The following LRFN5 variants were observed in gnomAD, a reference collection of about 807,000 sequenced individuals.
LRFN5 encodes the protein leucine rich repeat and fibronectin type III domain containing 5.
Under a neutral mutation model 45.6 loss-of-function variants are expected in LRFN5, and 24 were observed. That is an observed-to-expected ratio of 0.53 (90% confidence interval 0.38 to 0.74). The LOEUF (loss-of-function observed/expected upper bound fraction) is 0.74. Among genes scored for constraint, LRFN5 ranks in the 30% least tolerant of loss-of-function variants. LRFN5 has a pLI of 0.00. For synonymous variants in LRFN5, 340 were observed against 313.8 expected, an observed-to-expected ratio of 1.08 and a Z score of -0.88; for missense variants, 776 against 861.5, an observed-to-expected ratio of 0.90 and a Z score of 1.24.
At position 41,760,802 on chromosome 14, in the gene LRFN5, T is replaced by C. The variant is rs146815233; in HGVS notation, c.-196-6052T>C. Among the ~76,000 whole-genome samples the C allele has an allele frequency of 4.8e-3, 728 of 151,790 alleles. 4 individuals carry two copies. The highest frequency in any genetic ancestry group is 8.1e-3 in the Non-Finnish European group (547 of 67,888). ...AGGAGGGAAGGTGAAAACTGGTAGA[T>C]ATAAAGGATCTACATAAGGGGATTA... On this transcript the variant is annotated intron_variant, in intron 1 of 5. Coordinates refer to ENST00000298119, the MANE Select transcript of LRFN5 (RefSeq NM_152447.5).
chr14:41,654,645 A>G (rs1473271386), intron 1 of LRFN5, among the ~76,000 whole-genome samples: 1 of 152,064 alleles, frequency 6.6e-6, no homozygotes. Context: ...TCAAGAAGAG[A>G]GAATAATCAA....
chr14:41,890,234 A>G (rs1197850762), intron 3 of LRFN5, among the ~76,000 whole-genome samples: 2 of 152,068 alleles, frequency 1.3e-5, no homozygotes, highest in African/African-American at 4.8e-5. Context: ...TTGTGCTCTG[A>G]TGGAAATTTG....
At chr14:41,657,898 G>A (rs1410423508) in intron 1 of LRFN5, among the ~76,000 whole-genome samples, 2 of 150,924 alleles carry the variant, frequency 1.3e-5, no homozygotes, top group Admixed American at 6.6e-5. Context: ...TAAGGTAAAA[G>A]AGCTTGTTGA....
At position 41,891,358 on chromosome 14, in the gene LRFN5, T is replaced by G; in HGVS notation, c.1494T>G (p.Thr498=). The G allele has an allele frequency of 6.2e-7, 1 of 1,614,124 alleles. No individual in the cohort carries two copies. Among genetic ancestry groups the G allele is most frequent in the Non-Finnish European group, 8.5e-7 (1 of 1,180,016 alleles). ...ATGATGATGGCATCACTTCCCTCAC[T>G]GCCACAAGAGTCGTGGGTTGCATCC... is the stretch of plus-strand genomic sequence containing the variant. ...AIYDDGITSL[T]ATRVVGCIQF... is the part of the protein sequence containing the mutation. Residue 498 remains threonine, a synonymous_variant, in exon 4 of 6, where the codon ACT becomes ACG. Transcript: ENST00000298119.
At chr14:41,824,249 C>A (rs918842209) in intron 2 of LRFN5, among the ~76,000 whole-genome samples, 1 of 152,194 alleles carries the variant, frequency 6.6e-6, no homozygotes, top group Non-Finnish European at 1.5e-5. Flanking sequence ...TTTTGTCACA[C>A]TGCCAGAATT....
intron 2 of LRFN5, among the ~76,000 whole-genome samples, chr14:41,863,966 G>A (rs1477395809): frequency 6.6e-6 from 1 of 152,136 alleles, no homozygotes; most frequent in Non-Finnish European, 1.5e-5. Flanking sequence ...AGTTTGCTGA[G>A]AATGATGGTT....
At chr14:41,894,225 A>G in intron 4 of LRFN5, 1 of 984,336 alleles carries the variant, frequency 1.0e-6, no homozygotes, top group Non-Finnish European at 1.2e-6. Context: ...CAAGGTTAAC[A>G]TATGTACTAT....
rs1474588765 is a variant in LRFN5, at chr14:41,898,919, G to T, written c.2101G>T (p.Ala701Ser). ...TSKRAHIKPN[A>S]LLTNVDQIVQ... Reference sequence around the variant, plus strand: ...GACACTGAACATTTTATTCCCAGATGCTTTGCTGACTAATGTTGACCAGAT... The same window carrying T: ...GACACTGAACATTTTATTCCCAGATTCTTTGCTGACTAATGTTGACCAGAT... The change falls in exon 5 of 6, where the codon GCT becomes TCT. Residue 701 changes from alanine to serine, a missense_variant and splice_region_variant. Transcript: ENST00000298119. 1 of 1,609,882 alleles carries T rather than the reference G, an allele frequency of 6.2e-7. No homozygotes were observed. The highest frequency in any genetic ancestry group is 1.7e-5 in the Admixed American group (1 of 59,366).
At chr14:41,733,053 A>C (rs1884249819) in intron 1 of LRFN5, among the ~76,000 whole-genome samples, 1 of 148,720 alleles carries the variant, frequency 6.7e-6, no homozygotes, top group Non-Finnish European at 1.5e-5. Flanking sequence ...AAGAAAGTTA[A>C]AAAAAAAAAA....
chr14:41,670,227 A>G (rs1360791193), intron 1 of LRFN5, among the ~76,000 whole-genome samples: 1 of 128,006 alleles, frequency 7.8e-6, no homozygotes, highest in Non-Finnish European at 1.6e-5. Flanking sequence ...ATATATATGT[A>G]TACACACACA....
chr14:41,747,204 C>T (rs553036013), intron 1 of LRFN5, among the ~76,000 whole-genome samples: 6 of 151,904 alleles, frequency 3.9e-5, no homozygotes, highest in Admixed American at 2.0e-4. Context: ...AAACACATAC[C>T]GAATTTCAAG....
At chr14:41,877,110 G>GTC (rs761835534) in intron 2 of LRFN5, among the ~76,000 whole-genome samples, 2 of 152,012 alleles carry the variant, frequency 1.3e-5, no homozygotes, top group African/African-American at 2.4e-5. Context: ...GGAAATAGAT[G>GTC]TCTCTCTCTC....
intron 1 of LRFN5, among the ~76,000 whole-genome samples, chr14:41,674,695 G>A (rs1176794076): frequency 5.3e-5 from 8 of 150,564 alleles, no homozygotes; most frequent in Admixed American, 3.3e-4. Context: ...CTGGCTGGGC[G>A]GGGGGCTGAC....
At chr14:41,818,692 C>A (rs961756862) in intron 2 of LRFN5, among the ~76,000 whole-genome samples, 4 of 152,080 alleles carry the variant, frequency 2.6e-5, no homozygotes, top group Admixed American at 1.3e-4. Flanking sequence ...ACTGTTATCT[C>A]TCCAAATATT....
At chr14:41,749,122 G>T (rs1202860163) in intron 1 of LRFN5, among the ~76,000 whole-genome samples, 3 of 151,984 alleles carry the variant, frequency 2.0e-5, no homozygotes, top group Non-Finnish European at 4.4e-5. Flanking sequence ...CCATTTACGA[G>T]GACAGAGCCT....
chr14:41,776,007 C>T (rs911877194), intron 2 of LRFN5, among the ~76,000 whole-genome samples: 1 of 152,176 alleles, frequency 6.6e-6, no homozygotes, highest in Admixed American at 6.5e-5. Context: ...TATGCAAACA[C>T]TCCAGTCTGG....
intron 2 of LRFN5, among the ~76,000 whole-genome samples, chr14:41,767,455 T>A (rs1485220347): frequency 1.3e-5 from 2 of 152,126 alleles, no homozygotes; most frequent in Non-Finnish European, 2.9e-5. Context: ...TTAAAAAAAA[T>A]AAGTGTTGTT....
chr14:41,658,127 T>TTA (rs1238781040), intron 1 of LRFN5, among the ~76,000 whole-genome samples: 1 of 151,976 alleles, frequency 6.6e-6, no homozygotes, highest in Admixed American at 6.6e-5. Flanking sequence ...ATAGGGTAAG[T>TTA]CATGTTACAG....
At chr14:41,666,491 TA>T (rs916491935) in intron 1 of LRFN5, among the ~76,000 whole-genome samples, 4 of 152,138 alleles carry the variant, frequency 2.6e-5, no homozygotes, top group Non-Finnish European at 5.9e-5. Context: ...CTACTCCTGC[TA>T]AATGGCAAAA....
Sources: gnomAD v4.1 joint callset for allele counts (sites outside exome capture counted in the v4.1 genomes callset) on GRCh38, gnomAD v4.1.1 for gene constraint, MANE v1.5 for transcripts, NCBI Gene and HGNC (gene_info 2026-07-23, HGNC 2026-07-21) for gene names.